The following PCDHGA8 variants were observed in gnomAD, a reference collection of about 807,000 sequenced individuals.
PCDHGA8 encodes protocadherin gamma subfamily A, 8, also known as protocadherin gamma-A8.
A neutral mutation model predicts 59.2 loss-of-function variants in PCDHGA8; 45 were observed. The observed-to-expected ratio is 0.76, with a 90% CI of 0.60 to 0.98. PCDHGA8 has a LOEUF of 0.98. Ranked by LOEUF, PCDHGA8 falls within the 50% of genes least tolerant of loss-of-function variation. The pLI is 0.00. For synonymous variants in PCDHGA8, 531 were observed against 519.0 expected, an observed-to-expected ratio of 1.02 and a Z score of -0.32; for missense variants, 1,257 against 1,196.2, an observed-to-expected ratio of 1.05 and a Z score of -0.75.
chr5:141,510,472 G>A (rs1209464436), intron 3 of PCDHGA8, among the ~76,000 whole-genome samples: 7 of 152,102 alleles, frequency 4.6e-5, no homozygotes, highest in Non-Finnish European at 1.0e-4. Context: ...GGAGTCAGAG[G>A]CTCCCTTGAG....
chr5:141,427,491 G>A (rs1158414276), intron 1 of PCDHGA8: 1 of 553,626 alleles, frequency 1.8e-6, no homozygotes, highest in Non-Finnish European at 3.4e-6. Context: ...CTATAAGCTT[G>A]TAACAGATGG....
At chr5:141,481,703 C>T (rs909197135) in intron 1 of PCDHGA8, among the ~76,000 whole-genome samples, 1 of 152,090 alleles carries the variant, frequency 6.6e-6, no homozygotes, top group Admixed American at 6.5e-5. Context: ...CCTGTAATCC[C>T]AGCACTTTGG....
Position 141,491,215 on chromosome 5 carries a change from A to G in PCDHGA8, c.2425-3592A>G, listed in dbSNP as rs546893944. 2.5e-6 allele frequency: 4 copies of G among 1,614,196 alleles called. No individual in the cohort carries two copies. Among genetic ancestry groups the G allele is most frequent in the Non-Finnish European group, 3.4e-6 (4 of 1,180,036 alleles). On this transcript the variant is annotated intron_variant, in intron 1 of 3. Coordinates refer to ENST00000398604, the MANE Select transcript of PCDHGA8 (RefSeq NM_032088.2). This position sits in a 1 kb window ranked among gnomAD's most constrained non-coding sequence, Gnocchi z 6.9. ...CAATGGTGACCCTTCACTCTCCTCC[A>G]CAGCCACAGTGCTGCTGGTTCTGGA...
intron 1 of PCDHGA8, chr5:141,399,810 C>T (rs148150333): frequency 3.9e-5 from 63 of 1,613,194 alleles, no homozygotes; most frequent in Non-Finnish European, 4.9e-5. Flanking sequence ...TGCTGTACCC[C>T]GCGCTGGGTC....
intron 1 of PCDHGA8, among the ~76,000 whole-genome samples, chr5:141,420,686 C>T (rs781004859): frequency 1.3e-4 from 20 of 152,258 alleles, no homozygotes; most frequent in Admixed American, 4.6e-4. Context: ...TTATCGGGAC[C>T]GTATTATTTC....
chr5:141,499,572 T>C (rs2099792782), intron 2 of PCDHGA8, among the ~76,000 whole-genome samples: 1 of 152,178 alleles, frequency 6.6e-6, no homozygotes, highest in Admixed American at 6.5e-5. Flanking sequence ...CAGCTTCAAC[T>C]AATGCCTTAT....
Position 141,487,295 on chromosome 5 carries a change from T to C in PCDHGA8, c.2425-7512T>C, listed in dbSNP as rs2099642474. The C allele has an allele frequency of 5.6e-6, 9 of 1,614,164 alleles. No individual in the cohort carries two copies. In the East Asian group the frequency reaches 1.3e-4, roughly 24 times the overall value. ...AATTTGCTTTGTCTCCTTTGGCTCA[T>C]TCGTGGCACTACTCTCTAAGTGTCT... On this transcript the variant is annotated intron_variant, in intron 1 of 3. Transcript: ENST00000398604. This position sits in a 1 kb window ranked among gnomAD's most constrained non-coding sequence, Gnocchi z 5.0.
chr5:141,422,762 C>A (rs745320796), intron 1 of PCDHGA8: 1 of 1,613,392 alleles, frequency 6.2e-7, no homozygotes, highest in Admixed American at 1.7e-5. Context: ...AACTCCAACA[C>A]TGGTGTTCTC....
chr5:141,485,221 C>G lies in PCDHGA8; in HGVS notation c.2425-9586C>G. ...GGACAGAAATCTGGCGGTGGGCTACCCTTTTGTTCCTCTTTTACCACCTGG... is the reference window on the plus strand; with the variant it reads ...GGACAGAAATCTGGCGGTGGGCTACGCTTTTGTTCCTCTTTTACCACCTGG... On this transcript the variant is annotated intron_variant, in intron 1 of 3. Transcript: ENST00000398604. The surrounding 1 kb of genome is among the most constrained non-coding windows in gnomAD (Gnocchi z 5.7). The G allele has an allele frequency of 6.2e-7, 1 of 1,614,118 alleles. No individual in the cohort carries two copies. Among genetic ancestry groups the G allele is most frequent in the Non-Finnish European group, 8.5e-7 (1 of 1,180,010 alleles).
chr5:141,490,485 G>A lies in PCDHGA8; in HGVS notation c.2425-4322G>A. 3 of 1,614,202 alleles carry A rather than the reference G, an allele frequency of 1.9e-6. No individual in the cohort carries two copies. Among genetic ancestry groups the A allele is most frequent in the Middle Eastern group, 3.3e-4 (2 of 6,062 alleles). On this transcript the variant is annotated intron_variant, in intron 1 of 3. Coordinates refer to ENST00000398604, the MANE Select transcript of PCDHGA8 (RefSeq NM_032088.2). This position sits in a 1 kb window ranked among gnomAD's most constrained non-coding sequence, Gnocchi z 5.4. ...TAACCAGCCAGCCTTTGGACCGGGA[G>A]GCCACATCCCACTATATCATCGAGC... is the stretch of plus-strand genomic sequence containing the variant.
chr5:141,393,792 C>T lies in PCDHGA8; in HGVS notation c.979C>T (p.Leu327Phe). Residue 327 changes from leucine to phenylalanine, a missense_variant, in exon 1 of 4, where the codon CTT (leucine) becomes TTT (phenylalanine). Coordinates refer to ENST00000398604, the MANE Select transcript of PCDHGA8 (RefSeq NM_032088.2). ...MEIQAEDVGA[L>F]LGRTKLLISV... The stretch of plus-strand genomic sequence containing the variant: ...AATACAAGCCGAAGATGTGGGGGCA[C>T]TTCTGGGGAGGACCAAATTGCTCAT... The T allele has an allele frequency of 6.2e-7, 1 of 1,613,908 alleles. No individual in the cohort carries two copies. The highest frequency in any genetic ancestry group is 8.5e-7 in the Non-Finnish European group (1 of 1,179,880).
chr5:141,504,158 T>G (rs890874880), intron 2 of PCDHGA8, among the ~76,000 whole-genome samples: 1 of 152,222 alleles, frequency 6.6e-6, no homozygotes, highest in Non-Finnish European at 1.5e-5. Context: ...TGAAATAATT[T>G]CATCCTTGGA....
At chr5:141,396,813 T>A (rs1031435038) in intron 1 of PCDHGA8, among the ~76,000 whole-genome samples, 3 of 152,240 alleles carry the variant, frequency 2.0e-5, no homozygotes, top group Admixed American at 6.5e-5. Context: ...AGTGTTCTAC[T>A]GTATGGTGCA....
chr5:141,432,722 T>G lies in PCDHGA8; in HGVS notation c.2424+37485T>G, dbSNP rs2097531915. 6.2e-7 allele frequency: 1 copy of G among 1,613,646 alleles called. No homozygotes were observed. Among genetic ancestry groups the G allele is most frequent in the African/African-American group, 1.3e-5 (1 of 74,900 alleles). ...CCAGGACCACGGCCAGCCCCCTCTC[T>G]CCGCCACTGTCACGCTCACCGTGGC... On this transcript the variant is annotated intron_variant, in intron 1 of 3. Coordinates refer to ENST00000398604, the MANE Select transcript of PCDHGA8 (RefSeq NM_032088.2). The surrounding 1 kb of genome is among the most constrained non-coding windows in gnomAD (Gnocchi z 6.0).
intron 1 of PCDHGA8, among the ~76,000 whole-genome samples, chr5:141,407,377 C>A (rs1436703926): frequency 6.6e-6 from 1 of 152,170 alleles, no homozygotes; most frequent in Non-Finnish European, 1.5e-5. Context: ...TCCATGAAGG[C>A]TTGTATGTCA....
intron 1 of PCDHGA8, chr5:141,417,819 C>T: frequency 3.3e-6 from 5 of 1,513,202 alleles, no homozygotes; most frequent in Non-Finnish European, 3.5e-6. Flanking sequence ...GCACTTTCTC[C>T]AACTGGAAAA....
intron 1 of PCDHGA8, among the ~76,000 whole-genome samples, chr5:141,448,869 T>C (rs1375609555): frequency 6.6e-6 from 1 of 151,930 alleles, no homozygotes; most frequent in Non-Finnish European, 1.5e-5. Flanking sequence ...GGCGTGAACC[T>C]GGGAGGCGGA....
At chr5:141,401,570 C>T (rs192915698) in intron 1 of PCDHGA8, among the ~76,000 whole-genome samples, 2 of 152,290 alleles carry the variant, frequency 1.3e-5, no homozygotes, top group Admixed American at 1.3e-4. Context: ...ATTTCTCTTG[C>T]TCGGAATCCT....
rs1348297963 is a variant in PCDHGA8, at chr5:141,487,103, G to A, written c.2425-7704G>A. 6.2e-7 allele frequency: 1 copy of A among 1,614,124 alleles called. No individual in the cohort carries two copies. Among genetic ancestry groups the A allele is most frequent in the Non-Finnish European group, 8.5e-7 (1 of 1,180,000 alleles). On this transcript the variant is annotated intron_variant, in intron 1 of 3. Coordinates refer to ENST00000398604, the MANE Select transcript of PCDHGA8 (RefSeq NM_032088.2). The surrounding 1 kb of genome is among the most constrained non-coding windows in gnomAD (Gnocchi z 5.0). ...AGCTGACCTCCCACCACAGAAGCTG[G>A]TCATTGTGGTAAAGGATAGTGGTAG...
Sources: gnomAD v4.1 joint callset for allele counts (sites outside exome capture counted in the v4.1 genomes callset) on GRCh38, gnomAD v4.1.1 for gene constraint, Gnocchi (gnomAD v3.1) non-coding constraint, MANE v1.5 for transcripts, NCBI Gene and HGNC (gene_info 2026-07-23, HGNC 2026-07-21) for gene names.